ZKSCAN3: variants seen among roughly 807,000 people sequenced by gnomAD.
The protein encoded by ZKSCAN3 is zinc finger with KRAB and SCAN domains 3.
Under a neutral mutation model 30.7 loss-of-function variants are expected in ZKSCAN3, and 21 were observed. The observed-to-expected ratio is 0.68, with a 90% CI of 0.49 to 0.99. The LOEUF (loss-of-function observed/expected upper bound fraction) is 0.99. Among genes scored for constraint, ZKSCAN3 ranks in the 50% least tolerant of loss-of-function variants. ZKSCAN3 has a pLI of 0.00. For synonymous variants in ZKSCAN3, 201 were observed against 246.7 expected (o/e 0.81, Z 1.73); for missense variants, 507 against 647.1 (o/e 0.78, Z 2.35).
chr6:28,360,481 G>T (rs1260255650), intron 2 of ZKSCAN3: 1 of 728,796 alleles, frequency 1.4e-6, no homozygotes, highest in Non-Finnish European at 1.7e-6. Flanking sequence ...TTAAAAATAA[G>T]ATTAGCTTTT....
At chr6:28,350,106 G>GTGTGTGTGTGTT (rs1224872505) in intron 1 of ZKSCAN3, 39 bp downstream of exon 1, 1 of 152,478 alleles carries the variant, frequency 6.6e-6, no homozygotes, top group Non-Finnish European at 1.5e-5. Flanking sequence ...GTGTGTGTGT[G>GTGTGTGTGTGTT]TGTGTTTGTG....
chr6:28,356,145 G>A (rs571329380), intron 1 of ZKSCAN3: 2 of 152,314 alleles, frequency 1.3e-5, no homozygotes, highest in South Asian at 2.1e-4. Flanking sequence ...TTGGTTGTCC[G>A]GTGTCCCCCC....
At chr6:28,356,392 G>A (rs1020438154) in intron 1 of ZKSCAN3, 1 of 152,292 alleles carries the variant, frequency 6.6e-6, no homozygotes, top group African/African-American at 2.4e-5. Context: ...CCATCTCAGA[G>A]GGGGAGCAGG....
chr6:28,354,566 A>AT (rs1765296243), intron 1 of ZKSCAN3, among the ~76,000 whole-genome samples: 1 of 152,220 alleles, frequency 6.6e-6, no homozygotes, highest in Non-Finnish European at 1.5e-5. Context: ...ATGTATACAT[A>AT]GAGGCTTGAC....
At chr6:28,355,801 C>T (rs1765383767) in intron 1 of ZKSCAN3, 1 of 152,330 alleles carries the variant, frequency 6.6e-6, no homozygotes. Flanking sequence ...GCAAAGTGTT[C>T]CTGGCTCTCT....
chr6:28,360,226 A>C (rs1264269107), intron 2 of ZKSCAN3: 1 of 693,590 alleles, frequency 1.4e-6, no homozygotes, highest in South Asian at 2.0e-5. Context: ...CAGTTTGCAA[A>C]GTATTAACTT....
chr6:28,362,185 CTG>C (rs775816455), intron 3 of ZKSCAN3, among the ~76,000 whole-genome samples: 6 of 152,276 alleles, frequency 3.9e-5, no homozygotes, highest in African/African-American at 9.6e-5. Context: ...GGGAATGGAA[CTG>C]TGAGTGAAAC....
At chr6:28,354,005 C>T in intron 1 of ZKSCAN3, 1 of 453,514 alleles carries the variant, frequency 2.2e-6, no homozygotes, top group Non-Finnish European at 4.4e-6. Context: ...GCAGCTCTCA[C>T]ACTGTCTGCC....
intron 1 of ZKSCAN3, among the ~76,000 whole-genome samples, chr6:28,357,948 C>T (rs1765535722): frequency 6.6e-6 from 1 of 152,192 alleles, no homozygotes; most frequent in Admixed American, 6.5e-5. Flanking sequence ...TTGAGGGTCT[C>T]ACTAGCAGGC....
intron 3 of ZKSCAN3, among the ~76,000 whole-genome samples, chr6:28,362,060 C>A (rs1001864722): frequency 2.6e-5 from 4 of 152,186 alleles, no homozygotes; most frequent in African/African-American, 7.2e-5. Context: ...CTGGGCCTCC[C>A]AAGGTGCTGG....
At chr6:28,353,722 C>A (rs1306676603) in intron 1 of ZKSCAN3, 3 of 416,576 alleles carry the variant, frequency 7.2e-6, no homozygotes, top group South Asian at 3.5e-5. Flanking sequence ...TAAAACCTTG[C>A]GAGTGATTAA....
chr6:28,358,809 G>C (rs1765588660), intron 1 of ZKSCAN3, among the ~76,000 whole-genome samples: 1 of 150,574 alleles, frequency 6.6e-6, no homozygotes, highest in Non-Finnish European at 1.5e-5. Context: ...TTTTGAACAT[G>C]GGAGGTGGAG....
intron 2 of ZKSCAN3, among the ~76,000 whole-genome samples, chr6:28,361,109 C>G (rs1354626007): frequency 6.6e-6 from 1 of 152,144 alleles, no homozygotes. Flanking sequence ...GAGCTCCCAT[C>G]CTAGCATTGC....
At position 28,365,502 on chromosome 6, in the gene ZKSCAN3, G is replaced by T. The variant is rs781026118; in HGVS notation, c.834G>T (p.Ser278=). 2.7e-5 allele frequency: 44 copies of T among 1,609,668 alleles called. No homozygotes were observed. Among genetic ancestry groups the T allele is most frequent in the Non-Finnish European group, 3.7e-5 (43 of 1,177,588 alleles). ...CAGAAAAGGAGCATGGGAAGATATC[G>T]TGCCACCTGAGAGAAGACATTGCCC... ...ELPEKEHGKI[S]CHLREDIAQI... is the part of the protein sequence containing the mutation. Residue 278 remains serine (S), a synonymous_variant, in exon 6 of 6, where the codon TCG becomes TCT. Transcript: ENST00000252211.
At chr6:28,363,507 G>A in intron 4 of ZKSCAN3, 122 bp downstream of exon 4, 1 of 1,274,900 alleles carries the variant, frequency 7.8e-7, no homozygotes, top group Non-Finnish European at 1.1e-6. Context: ...TCTCAAATGG[G>A]ATCTGCATTT....
rs1304731875 is a variant in ZKSCAN3 at position 28,366,147 on chromosome 6, A to G, written c.1479A>G (p.Thr493=). The G allele has an allele frequency of 3.7e-6, 6 of 1,611,948 alleles. No homozygotes were observed. The highest frequency in any genetic ancestry group is 5.1e-6 in the Non-Finnish European group (6 of 1,179,288). Residue 493 remains threonine, a synonymous_variant, in exon 6 of 6, where the codon ACA becomes ACG. Coordinates refer to ENST00000252211, the MANE Select transcript of ZKSCAN3 (RefSeq NM_024493.4). ...GTGAAAGAAGTTTCACTCAGAATACAGGCCTCATTGAACATCAAAAAATCC... is the reference window on the plus strand; with the variant it reads ...GTGAAAGAAGTTTCACTCAGAATACGGGCCTCATTGAACATCAAAAAATCC... ...NECERSFTQN[T]GLIEHQKIHT... is the part of the protein sequence containing the mutation.
Position 28,359,783 on chromosome 6 carries a change from G to A in ZKSCAN3, c.197G>A (p.Arg66Gln), listed in dbSNP as rs1352309480. The change falls in exon 2 of 6, where the codon CGG (arginine) becomes CAG (glutamine). Residue 66 changes from arginine to glutamine, a missense_variant. Arg to Gln is a conservative substitution (Grantham distance 43). Coordinates refer to ENST00000252211, the MANE Select transcript of ZKSCAN3 (RefSeq NM_024493.4). ...EAAGPREALS[R>Q]LRELCRQWLQ... ...GCAGGCCCCCGCGAGGCGCTGAGTC[G>A]GCTCCGAGAGCTCTGCCGACAGTGG... 1 of 1,614,100 alleles carries A rather than the reference G, an allele frequency of 6.2e-7. No homozygotes were observed. The highest frequency in any genetic ancestry group is 2.2e-5 in the East Asian group (1 of 44,900).
chr6:28,368,982 G>C lies in ZKSCAN3; in HGVS notation c.*2697G>C, dbSNP rs1766081499. 2.0e-5 allele frequency: 3 copies of C among 152,458 alleles called. No homozygotes were observed. In the South Asian group the frequency reaches 6.2e-4, roughly 31 times the overall value. 9.4% of individuals were successfully genotyped at this position (152,458 alleles called of 1,614,324 possible). Reference sequence around the variant, plus strand: ...TGGGCATTGTGATATATTATCTCCTGCTGTATGTATTTTGTTTAGTAGAAA... The same window carrying C: ...TGGGCATTGTGATATATTATCTCCTCCTGTATGTATTTTGTTTAGTAGAAA... On this transcript the variant is annotated 3_prime_UTR_variant, in exon 6 of 6. Coordinates refer to ENST00000252211, the MANE Select transcript of ZKSCAN3 (RefSeq NM_024493.4).
At chr6:28,356,092 T>G (rs1194753363) in intron 1 of ZKSCAN3, 1 of 152,224 alleles carries the variant, frequency 6.6e-6, no homozygotes, top group Non-Finnish European at 1.5e-5. Flanking sequence ...GGAAACTTAT[T>G]CAGGTTTAGG....
Sources: allele counts gnomAD v4.1 joint callset (sites outside exome capture counted in the v4.1 genomes callset), GRCh38; gene constraint gnomAD v4.1.1; transcripts MANE v1.5; gene names NCBI Gene and HGNC (gene_info 2026-07-23, HGNC 2026-07-21).